UBR3: variants seen among roughly 807,000 people sequenced by gnomAD.
UBR3 encodes E3 ubiquitin-protein ligase UBR3.
A neutral mutation model predicts 243.2 loss-of-function variants in UBR3; 85 were observed. The ratio of observed to expected loss-of-function variants is 0.35; its 90% confidence interval spans 0.29 to 0.42. The LOEUF is 0.42. Among genes scored for constraint, UBR3 ranks in the 10% least tolerant of loss-of-function variants. UBR3 has a pLI of 1.00. For missense variants in UBR3, 1,686 were observed against 2,300.8 expected, an observed-to-expected ratio of 0.73 and a Z score of 5.47; for synonymous variants, 748 against 799.8, an observed-to-expected ratio of 0.94 and a Z score of 1.09.
At chr2:169,853,001 T>C (rs942637084) in intron 1 of UBR3, among the ~76,000 whole-genome samples, 4 of 152,068 alleles carry the variant, frequency 2.6e-5, no homozygotes, top group African/African-American at 7.2e-5. Context: ...AATTAAATAA[T>C]TAACTTGAGA....
intron 10 of UBR3, among the ~76,000 whole-genome samples, chr2:169,907,076 T>C (rs7588735): frequency 0.98 from 139,866 of 143,086 alleles, 68,438 homozygotes; most frequent in East Asian, 1. Context: ...GTCTCTCTGT[T>C]GCCAGGCTGG....
chr2:169,991,575 CTTTAT>C (rs576239900), intron 25 of UBR3, among the ~76,000 whole-genome samples: 17 of 152,022 alleles, frequency 1.1e-4, no homozygotes, highest in Non-Finnish European at 2.1e-4. Context: ...ACAACATACT[CTTTAT>C]TTTATTATTA....
In UBR3 at chr2:169,890,866, G is replaced by A. The variant is rs1392149278; in HGVS notation, c.1039-299G>A. ...CACCCTTTAGCTTCTTTGTGCATTC[G>A]ATGTTAATTTATAAGGTTAGGAAAA... On this transcript the variant is annotated intron_variant, in intron 5 of 38. Coordinates refer to ENST00000272793, the MANE Select transcript of UBR3 (RefSeq NM_172070.4). Among the ~76,000 whole-genome samples the A allele has an allele frequency of 4.0e-5, 6 of 149,192 alleles. No individual in the cohort carries two copies. The South Asian group carries it at 8.5e-4, about 21-fold the overall frequency.
intron 36 of UBR3, chr2:170,078,180 A>G: frequency 1.8e-6 from 1 of 546,544 alleles, no homozygotes; most frequent in Non-Finnish European, 3.5e-6. Context: ...ATTTTCTTTG[A>G]CTTCTTTGAA....
chr2:169,985,671 G>T (rs555446645), intron 24 of UBR3, among the ~76,000 whole-genome samples: 87 of 152,040 alleles, frequency 5.7e-4, no homozygotes, highest in South Asian at 2.3e-3. Flanking sequence ...GTTTTTGTTT[G>T]CTAATTTCTT....
In UBR3 at chr2:169,986,631, C is replaced by CT; in HGVS notation, c.3635-8dup. ...CTCCTAAGGAATTAAAGAGATGTAA[C>CT]TTTTTTCCCTCAGATTCTCCTGAGA... On this transcript the variant is annotated splice_polypyrimidine_tract_variant and intron_variant, in intron 24 of 38. Coordinates refer to ENST00000272793, the MANE Select transcript of UBR3 (RefSeq NM_172070.4). 1 of 1,598,726 alleles carries CT rather than the reference C, an allele frequency of 6.3e-7. No homozygotes were observed.
chr2:170,034,266 T>A (rs1440591000), intron 31 of UBR3, among the ~76,000 whole-genome samples: 3 of 151,976 alleles, frequency 2.0e-5, no homozygotes, highest in Non-Finnish European at 4.4e-5. Context: ...GCAATGACAT[T>A]TGGCCACCGT....
At chr2:170,053,385 G>A (rs2091265886) in intron 32 of UBR3, among the ~76,000 whole-genome samples, 1 of 152,160 alleles carries the variant, frequency 6.6e-6, no homozygotes, top group Admixed American at 6.5e-5. Context: ...CATTTCCTAC[G>A]TGCCATCACA....
chr2:169,955,793 CAAAAA>C (rs56238118), intron 23 of UBR3, among the ~76,000 whole-genome samples: 48 of 78,528 alleles, frequency 6.1e-4, no homozygotes, highest in Admixed American at 8.9e-4. Context: ...GACTCCATCT[CAAAAA>C]AAAAAAAAAA....
intron 10 of UBR3, among the ~76,000 whole-genome samples, chr2:169,910,984 T>C (rs2085231604): frequency 6.6e-6 from 1 of 152,194 alleles, no homozygotes. Context: ...TTTCTCTGTT[T>C]AAATTTTCTA....
At chr2:170,009,503 G>C (rs2090021514) in intron 29 of UBR3, among the ~76,000 whole-genome samples, 2 of 152,092 alleles carry the variant, frequency 1.3e-5, no homozygotes, top group Non-Finnish European at 2.9e-5. Flanking sequence ...TCATCTTTCA[G>C]ATTAGGAAGG....
intron 27 of UBR3, among the ~76,000 whole-genome samples, chr2:170,004,780 G>A (rs1159917859): frequency 2.0e-5 from 3 of 152,024 alleles, no homozygotes; most frequent in Admixed American, 1.3e-4. Context: ...GTGTGGTGGC[G>A]AGTGCCTGTA....
chr2:170,081,120 G>C (rs2091897669), intron 38 of UBR3, among the ~76,000 whole-genome samples: 1 of 152,224 alleles, frequency 6.6e-6, no homozygotes, highest in Non-Finnish European at 1.5e-5. Flanking sequence ...GAGCCCAGCA[G>C]GTGGCGGCTG....
chr2:169,913,936 T>C (rs1487219868), intron 10 of UBR3, 124 bp from the exon 11 acceptor site: 6 of 387,708 alleles, frequency 1.5e-5, no homozygotes, highest in Non-Finnish European at 2.5e-5. Flanking sequence ...ATGGCAAATA[T>C]AATCTTAAAA....
Position 169,921,341 on chromosome 2 carries a change from T to G in UBR3, c.1867-2588T>G, listed in dbSNP as rs2085689552. Among the ~76,000 whole-genome samples, 4 of 152,148 alleles carry G rather than the reference T, an allele frequency of 2.6e-5. No individual in the cohort carries two copies. The South Asian group carries it at 8.3e-4, about 32-fold the overall frequency. The stretch of plus-strand genomic sequence containing the variant: ...TGGGTAGAGTTAGCAGCTGAAGCTG[T>G]GAATCTGGATAAATTCACATAGAAG... On this transcript the variant is annotated intron_variant, in intron 11 of 38. Coordinates refer to ENST00000272793, the MANE Select transcript of UBR3 (RefSeq NM_172070.4).
chr2:170,057,148 CATT>C (rs1263862742), intron 33 of UBR3, among the ~76,000 whole-genome samples: 3 of 144,630 alleles, frequency 2.1e-5, no homozygotes, highest in African/African-American at 7.8e-5. Flanking sequence ...GACAGGGTCT[CATT>C]GTCACCCAGG....
In UBR3 at chr2:170,083,878, T is replaced by A. The variant is rs571602175; in HGVS notation, c.*2035T>A. The stretch of plus-strand genomic sequence containing the variant: ...AAACTAGAACTTTAATTTTTCCCCA[T>A]AACTTTTATAAGTCCCATTTATAAA... On this transcript the variant is annotated 3_prime_UTR_variant, in exon 39 of 39. Coordinates refer to ENST00000272793, the MANE Select transcript of UBR3 (RefSeq NM_172070.4). 3 of 152,572 alleles carry A rather than the reference T, an allele frequency of 2.0e-5. No homozygotes were observed. Among genetic ancestry groups the A allele is most frequent in the Non-Finnish European group, 2.9e-5 (2 of 68,002 alleles). The allele number at this position is 152,572 out of a possible 1,614,324, so 9.5% of individuals were successfully genotyped here. A position where few individuals can be genotyped will look rare whatever the true frequency, so the allele number is the denominator to read the frequency against.
At chr2:170,058,592 T>G (rs2091391629) in intron 33 of UBR3, among the ~76,000 whole-genome samples, 1 of 151,492 alleles carries the variant, frequency 6.6e-6, no homozygotes. Context: ...CACAGCTCAC[T>G]GCAACCTCAA....
intron 31 of UBR3, among the ~76,000 whole-genome samples, chr2:170,033,176 C>T (rs188969900): frequency 1.3e-5 from 2 of 152,118 alleles, no homozygotes; most frequent in African/African-American, 4.8e-5. Context: ...GCTTAAAGTA[C>T]AGACATAGAT....
Sources: allele counts gnomAD v4.1 joint callset (sites outside exome capture counted in the v4.1 genomes callset), GRCh38; gene constraint gnomAD v4.1.1; transcripts MANE v1.5; gene names NCBI Gene and HGNC (gene_info 2026-07-23, HGNC 2026-07-21).